CDH6: variants seen among roughly 807,000 people sequenced by gnomAD.
The protein encoded by CDH6 is cadherin 6.
In CDH6, 31 loss-of-function variants were observed where a neutral mutation model predicts 78.0. The ratio of observed to expected loss-of-function variants is 0.40; its 90% CI spans 0.30 to 0.54. The LOEUF (loss-of-function observed/expected upper bound fraction) is 0.54, where lower values mean the gene tolerates loss of function less well. CDH6 is among the 20% of genes least tolerant of loss of function. The pLI, the probability that CDH6 is intolerant of heterozygous loss-of-function variation, is 0.56. For synonymous variants in CDH6, 376 were observed against 368.8 expected, an observed-to-expected ratio of 1.02 and a Z score of -0.23; for missense variants, 724 against 975.9, an observed-to-expected ratio of 0.74 and a Z score of 3.44.
chr5:31,310,038 C>A (rs905126867), intron 7 of CDH6, among the ~76,000 whole-genome samples: 10 of 152,222 alleles, frequency 6.6e-5, no homozygotes, highest in African/African-American at 2.2e-4. Flanking sequence ...GCATTCCCAA[C>A]AGTCCCCCAA....
At chr5:31,291,371 G>A (rs759730786) in intron 2 of CDH6, among the ~76,000 whole-genome samples, 3 of 152,140 alleles carry the variant, frequency 2.0e-5, no homozygotes, top group African/African-American at 4.8e-5. Context: ...AAATTTGGGA[G>A]GCACTTTGTA....
Position 31,259,191 on chromosome 5 carries a change from A to T in CDH6, c.-128-8155A>T, listed in dbSNP as rs535434029. Reference sequence around the variant, plus strand: ...ATCATGTAATTGATAAAAGACGTACATATATCATCCAAAATTAATTAAATA... The same window carrying T: ...ATCATGTAATTGATAAAAGACGTACTTATATCATCCAAAATTAATTAAATA... On this transcript the variant is annotated intron_variant, in intron 1 of 11. Coordinates refer to ENST00000265071, the MANE Select transcript of CDH6 (RefSeq NM_004932.4). Among the ~76,000 whole-genome samples, 404 of 152,326 alleles carry T rather than the reference A, an allele frequency of 2.7e-3. 2 individuals carry two copies. Among genetic ancestry groups the T allele is most frequent in the Non-Finnish European group, 4.1e-3 (276 of 68,030 alleles).
At chr5:31,273,456 T>G (rs1256523074) in intron 2 of CDH6, among the ~76,000 whole-genome samples, 1 of 152,206 alleles carries the variant, frequency 6.6e-6, no homozygotes, top group Non-Finnish European at 1.5e-5. Context: ...GCAGCAACCC[T>G]AATGCATGGG....
chr5:31,207,010 C>A (rs562403455), intron 1 of CDH6, among the ~76,000 whole-genome samples: 1 of 152,188 alleles, frequency 6.6e-6, no homozygotes, highest in Admixed American at 6.5e-5. Flanking sequence ...AGCACAAAGC[C>A]ATACATATAC....
At chr5:31,208,227 C>T (rs1383629481) in intron 1 of CDH6, among the ~76,000 whole-genome samples, 1 of 152,154 alleles carries the variant, frequency 6.6e-6, no homozygotes, top group Non-Finnish European at 1.5e-5. Flanking sequence ...CCAGAGGCTA[C>T]GAGGGGCTTT....
At chr5:31,322,499 C>T (rs1201871867) in intron 11 of CDH6, among the ~76,000 whole-genome samples, 6 of 152,046 alleles carry the variant, frequency 3.9e-5, no homozygotes, top group Non-Finnish European at 7.4e-5. Context: ...TCACTGAGGC[C>T]GAGCTTCTTT....
chr5:31,202,163 A>T (rs987821668), intron 1 of CDH6, among the ~76,000 whole-genome samples: 1 of 152,138 alleles, frequency 6.6e-6, no homozygotes, highest in Non-Finnish European at 1.5e-5. Context: ...ATTTACTAAC[A>T]TGTTGGTCTG....
At chr5:31,235,440 A>G (rs1741431011) in intron 1 of CDH6, among the ~76,000 whole-genome samples, 1 of 151,998 alleles carries the variant, frequency 6.6e-6, no homozygotes, top group Non-Finnish European at 1.5e-5. Flanking sequence ...CCTCCATTCT[A>G]ATACATTTAG....
chr5:31,208,316 C>G (rs1347562292), intron 1 of CDH6, among the ~76,000 whole-genome samples: 1 of 152,154 alleles, frequency 6.6e-6, no homozygotes, highest in Admixed American at 6.5e-5. Flanking sequence ...GGCAGTGCAG[C>G]CTTCCACCCT....
At chr5:31,303,544 C>T (rs745544530) in intron 6 of CDH6, among the ~76,000 whole-genome samples, 2 of 151,962 alleles carry the variant, frequency 1.3e-5, no homozygotes, top group Non-Finnish European at 2.9e-5. Context: ...TATTTTATCC[C>T]CCAAATTGTG....
rs952850855 is a variant in CDH6 at position 31,325,664 on chromosome 5, A to G, written c.*2356A>G. ...CTGAGTTCTCCTAATAAGTAAAAGT[A>G]AGTAGTTCTATAGCAGAATATCTGA... On this transcript the variant is annotated 3_prime_UTR_variant, in exon 12 of 12. Transcript: ENST00000265071. 8.7e-6 allele frequency: 2 copies of G among 230,924 alleles called. No homozygotes were observed. Among genetic ancestry groups the G allele is most frequent in the African/African-American group, 4.4e-5 (2 of 45,266 alleles). The allele number at this position is 230,924 out of a possible 1,614,324, so 14.3% of individuals were successfully genotyped here. A position where few individuals can be genotyped will look rare whatever the true frequency, so the allele number is the denominator to read the frequency against.
At chr5:31,285,992 T>C (rs1743003400) in intron 2 of CDH6, among the ~76,000 whole-genome samples, 1 of 152,228 alleles carries the variant, frequency 6.6e-6, no homozygotes, top group Non-Finnish European at 1.5e-5. Flanking sequence ...ATATTTTTGA[T>C]CTACAGAATT....
intron 1 of CDH6, among the ~76,000 whole-genome samples, chr5:31,265,833 G>C (rs1196198548): frequency 7.6e-6 from 1 of 130,940 alleles, no homozygotes; most frequent in Non-Finnish European, 1.5e-5. Context: ...GGAGTGCAGT[G>C]GTGCAATCTT....
chr5:31,205,304 C>A (rs1477265713), intron 1 of CDH6, among the ~76,000 whole-genome samples: 2 of 152,168 alleles, frequency 1.3e-5, no homozygotes, highest in East Asian at 3.8e-4. Flanking sequence ...ATAATTCTGA[C>A]CACTTTCAAA....
chr5:31,204,328 T>C (rs1209956825), intron 1 of CDH6, among the ~76,000 whole-genome samples: 1 of 152,178 alleles, frequency 6.6e-6, no homozygotes, highest in African/African-American at 2.4e-5. Context: ...CCTCAGTACA[T>C]GAGTGGACAG....
intron 2 of CDH6, among the ~76,000 whole-genome samples, chr5:31,279,206 A>G (rs1457687725): frequency 6.6e-6 from 1 of 152,214 alleles, no homozygotes; most frequent in Admixed American, 6.5e-5. Context: ...CCGCCTTAAC[A>G]CATATTGTGT....
At position 31,323,329 on chromosome 5, in the gene CDH6, C is replaced by G. The variant is rs755649741; in HGVS notation, c.*21C>G. On this transcript the variant is annotated 3_prime_UTR_variant, in exon 12 of 12. Transcript: ENST00000265071. ...CCTAATCTGTTGCCTTTTTCATTTTCCAATACGACACTGAAATATGTGAAG... is the reference window on the plus strand; with the variant it reads ...CCTAATCTGTTGCCTTTTTCATTTTGCAATACGACACTGAAATATGTGAAG... 1 of 1,591,466 alleles carries G rather than the reference C, an allele frequency of 6.3e-7. No homozygotes were observed. The highest frequency in any genetic ancestry group is 8.6e-7 in the Non-Finnish European group (1 of 1,164,730).
chr5:31,311,774 C>G (rs896851474), intron 7 of CDH6, among the ~76,000 whole-genome samples: 1 of 152,188 alleles, frequency 6.6e-6, no homozygotes, highest in Non-Finnish European at 1.5e-5. Flanking sequence ...ATCACAAGAT[C>G]AGCAAGGGAG....
At chr5:31,248,346 G>A (rs1741817154) in intron 1 of CDH6, among the ~76,000 whole-genome samples, 2 of 152,146 alleles carry the variant, frequency 1.3e-5, no homozygotes, top group South Asian at 4.1e-4. Context: ...CAACTACTCT[G>A]TGCTAAGGTA....
Sources: gnomAD v4.1 joint callset for allele counts (sites outside exome capture counted in the v4.1 genomes callset) on GRCh38, gnomAD v4.1.1 for gene constraint, MANE v1.5 for transcripts, NCBI Gene and HGNC (gene_info 2026-07-23, HGNC 2026-07-21) for gene names.